The following DOCK1 variants were observed in gnomAD, a reference collection of about 807,000 sequenced individuals.
DOCK1 encodes the protein dedicator of cytokinesis protein 1.
Under a neutral mutation model 262.7 loss-of-function variants are expected in DOCK1, and 138 were observed. That is an observed-to-expected ratio of 0.53 (90% CI 0.46 to 0.61). DOCK1 has a LOEUF of 0.61. Among genes scored for constraint, DOCK1 ranks in the 20% least tolerant of loss-of-function variants. The probability of loss-of-function intolerance (pLI) is 0.00; values close to 1 mark genes in which losing one functional copy is unlikely to be tolerated. For synonymous variants in DOCK1, 866 were observed against 867.4 expected (o/e 1.00, Z 0.03); for missense variants, 1,908 against 2,370.7 (o/e 0.80, Z 4.05).
rs1176302935 is a variant in DOCK1, at chr10:127,404,410, G to A, written c.4103G>A (p.Gly1368Glu). 1.9e-6 allele frequency: 3 copies of A among 1,613,664 alleles called. No individual in the cohort carries two copies. In the South Asian group the frequency reaches 3.3e-5, roughly 18 times the overall value. ...DYFAVGYYGQ[G>E]FPTFLRGKVF... ...TTTGCTGTTGGCTACTACGGACAAG[G>A]GTTCCCCACATTCCTGCGGGTAAAG... Residue 1368 changes from glycine (G) to glutamate (E), a missense_variant, in exon 40 of 52, where the codon GGG becomes GAG. Coordinates refer to ENST00000623213, the MANE Select transcript of DOCK1 (RefSeq NM_001290223.2).
rs539658165 is a variant in DOCK1, at chr10:127,425,386, A to G, written c.4777-488A>G. On this transcript the variant is annotated intron_variant, in intron 46 of 51. Coordinates refer to ENST00000623213, the MANE Select transcript of DOCK1 (RefSeq NM_001290223.2). ...GTGACAGCAGTGTCGCAGAGAAGCG[A>G]TTATTTTTAGTTTTAAAGAAGAATA... is the stretch of plus-strand genomic sequence containing the variant. Among the ~76,000 whole-genome samples the G allele has an allele frequency of 3.9e-5, 6 of 152,342 alleles. No homozygotes were observed. The South Asian group carries it at 1.2e-3, about 32-fold the overall frequency.
intron 29 of DOCK1, among the ~76,000 whole-genome samples, chr10:127,319,295 T>C (rs1399992704): frequency 6.6e-6 from 1 of 152,224 alleles, no homozygotes; most frequent in Non-Finnish European, 1.5e-5. Flanking sequence ...GCAGGGGAAC[T>C]AATTGGATTG....
intron 29 of DOCK1, among the ~76,000 whole-genome samples, chr10:127,314,880 G>A (rs577273251): frequency 1.3e-4 from 20 of 152,348 alleles, no homozygotes; most frequent in Non-Finnish European, 2.2e-4. Context: ...TAGCAGTGGT[G>A]TGTTCAGAAA....
At chr10:126,933,997 A>G (rs2034371165) in intron 1 of DOCK1, among the ~76,000 whole-genome samples, 1 of 152,022 alleles carries the variant, frequency 6.6e-6, no homozygotes. Flanking sequence ...GTAATTTCTC[A>G]GTAGAGATGA....
chr10:127,083,307 G>A (rs973505103), intron 23 of DOCK1, among the ~76,000 whole-genome samples: 5 of 152,066 alleles, frequency 3.3e-5, no homozygotes, highest in Admixed American at 1.3e-4. Flanking sequence ...AAAATACCTG[G>A]TGCCCTCCCT....
intron 27 of DOCK1, among the ~76,000 whole-genome samples, chr10:127,194,353 G>A (rs1015054387): frequency 1.6e-4 from 25 of 152,196 alleles, no homozygotes; most frequent in Non-Finnish European, 4.4e-5. Flanking sequence ...GCATGCAGAT[G>A]GCAGGACTTC....
intron 23 of DOCK1, among the ~76,000 whole-genome samples, chr10:127,089,363 C>T (rs931994100): frequency 2.0e-5 from 3 of 152,122 alleles, no homozygotes; most frequent in Admixed American, 6.5e-5. Flanking sequence ...GATTCAGACC[C>T]CCTACCCCTC....
chr10:127,069,671 A>G (rs954985044), intron 23 of DOCK1, among the ~76,000 whole-genome samples: 8 of 152,030 alleles, frequency 5.3e-5, no homozygotes, highest in African/African-American at 1.9e-4. Context: ...GTCTGTATGG[A>G]GACAGACTTG....
At chr10:126,949,917 G>T (rs2036045806) in intron 1 of DOCK1, among the ~76,000 whole-genome samples, 1 of 152,032 alleles carries the variant, frequency 6.6e-6, no homozygotes, top group Admixed American at 6.6e-5. Flanking sequence ...TTTAGAGTGT[G>T]GAGCCGCGTG....
chr10:127,197,399 T>A (rs900515648), intron 27 of DOCK1, among the ~76,000 whole-genome samples: 1 of 151,956 alleles, frequency 6.6e-6, no homozygotes, highest in Non-Finnish European at 1.5e-5. Context: ...CCAAAGAGTA[T>A]TGGGTGTTTT....
chr10:127,390,699 G>C (rs1590846984), intron 38 of DOCK1, among the ~76,000 whole-genome samples: 1 of 152,242 alleles, frequency 6.6e-6, no homozygotes, highest in East Asian at 1.9e-4. Flanking sequence ...GAATGAATGT[G>C]ACTTGACGCC....
chr10:127,257,314 T>A, intron 28 of DOCK1, 21 bp from the exon 29 acceptor site: 1 of 1,551,100 alleles, frequency 6.4e-7, no homozygotes, highest in Non-Finnish European at 8.8e-7. Flanking sequence ...GCCATTTCAG[T>A]GTTTTGTTTT....
At chr10:127,290,319 T>C (rs1006803130) in intron 29 of DOCK1, among the ~76,000 whole-genome samples, 9 of 152,340 alleles carry the variant, frequency 5.9e-5, no homozygotes, top group Admixed American at 1.3e-4. Context: ...TTTTATGTTG[T>C]GTATATTTGT....
intron 22 of DOCK1, among the ~76,000 whole-genome samples, chr10:127,053,790 G>T (rs562424835): frequency 6.6e-6 from 1 of 152,208 alleles, no homozygotes; most frequent in Non-Finnish European, 1.5e-5. Flanking sequence ...GACTTTCTAA[G>T]TTGGCCCACG....
chr10:126,921,058 G>T (rs773303782), intron 1 of DOCK1, among the ~76,000 whole-genome samples: 3 of 152,062 alleles, frequency 2.0e-5, no homozygotes, highest in Non-Finnish European at 4.4e-5. Context: ...CAATTAGTTG[G>T]GCGTGGTGGT....
At chr10:127,234,813 A>G (rs1279847307) in intron 27 of DOCK1, among the ~76,000 whole-genome samples, 1 of 151,630 alleles carries the variant, frequency 6.6e-6, no homozygotes, top group East Asian at 1.9e-4. Flanking sequence ...ATATAAGTGT[A>G]AGAGCAAGAA....
chr10:127,002,468 G>A (rs1271765285), intron 10 of DOCK1, among the ~76,000 whole-genome samples: 1 of 152,158 alleles, frequency 6.6e-6, no homozygotes, highest in African/African-American at 2.4e-5. Flanking sequence ...GAAAGTCTAG[G>A]TACTAATGGA....
intron 32 of DOCK1, among the ~76,000 whole-genome samples, chr10:127,359,187 C>T (rs2064290487): frequency 6.6e-6 from 1 of 152,080 alleles, no homozygotes. Flanking sequence ...CCCACCCACT[C>T]CTGCTCACCT....
chr10:127,127,854 C>A, intron 27 of DOCK1, 90 bp downstream of exon 27: 3 of 1,083,478 alleles, frequency 2.8e-6, no homozygotes, highest in Non-Finnish European at 4.1e-6. Context: ...TATTATACTG[C>A]AATGTAGTGA....
Sources: allele counts gnomAD v4.1 joint callset (sites outside exome capture counted in the v4.1 genomes callset), GRCh38; gene constraint gnomAD v4.1.1; transcripts MANE v1.5; gene names NCBI Gene and HGNC (gene_info 2026-07-23, HGNC 2026-07-21).